Variants in DLG2 observed in about 807,000 individuals in gnomAD.
DLG2 encodes the protein disks large homolog 2.
A neutral mutation model predicts 132.5 loss-of-function variants in DLG2; 45 were observed. That is an observed-to-expected ratio of 0.34 (90% CI 0.27 to 0.44). DLG2 has a LOEUF of 0.44. Ranked by LOEUF, DLG2 falls within the 20% of genes least tolerant of loss-of-function variation. The pLI, the probability that DLG2 is intolerant of heterozygous loss-of-function variation, is 1.00. For synonymous variants in DLG2, 424 were observed against 419.6 expected (o/e 1.01, Z -0.13); for missense variants, 1,045 against 1,196.9 (o/e 0.87, Z 1.87).
At chr11:85,365,116 T>C (rs2084439450) in intron 3 of DLG2, among the ~76,000 whole-genome samples, 1 of 152,178 alleles carries the variant, frequency 6.6e-6, no homozygotes, top group African/African-American at 2.4e-5. Context: ...ACAAGAATTG[T>C]TGTTTATAAA....
At chr11:84,937,857 C>T (rs2154095130) in intron 6 of DLG2, among the ~76,000 whole-genome samples, 1 of 152,186 alleles carries the variant, frequency 6.6e-6, no homozygotes, top group East Asian at 1.9e-4. Flanking sequence ...CTTAAAAGTA[C>T]AGCATATGAT....
At chr11:84,361,016 G>T (rs2098646767) in intron 7 of DLG2, among the ~76,000 whole-genome samples, 1 of 151,822 alleles carries the variant, frequency 6.6e-6, no homozygotes, top group Non-Finnish European at 1.5e-5. Context: ...AGATTAAGAT[G>T]CTGCAAAAGA....
intron 10 of DLG2, among the ~76,000 whole-genome samples, chr11:84,072,326 A>G (rs555296180): frequency 1.3e-5 from 2 of 152,354 alleles, no homozygotes; most frequent in South Asian, 2.1e-4. Context: ...CTCTGCCTGA[A>G]TTAGCCACCT....
intron 9 of DLG2, among the ~76,000 whole-genome samples, chr11:84,163,054 G>A (rs2095582251): frequency 6.6e-6 from 1 of 152,014 alleles, no homozygotes; most frequent in Non-Finnish European, 1.5e-5. Context: ...TGCACCACTT[G>A]TTTTTTAAAC....
intron 3 of DLG2, among the ~76,000 whole-genome samples, chr11:85,421,349 T>C (rs57494426): frequency 0.06 from 9,179 of 151,978 alleles, 417 homozygotes; most frequent in African/African-American, 0.12. Flanking sequence ...CCCTCCTGCG[T>C]TGATCTCGCT....
At chr11:84,560,643 G>C (rs2154526087) in intron 6 of DLG2, among the ~76,000 whole-genome samples, 1 of 152,130 alleles carries the variant, frequency 6.6e-6, no homozygotes, top group Admixed American at 6.5e-5. Context: ...TACATTTTGG[G>C]TTAAAATCAA....
chr11:84,918,906 C>T (rs1294543954), intron 6 of DLG2, among the ~76,000 whole-genome samples: 1 of 152,148 alleles, frequency 6.6e-6, no homozygotes, highest in Non-Finnish European at 1.5e-5. Context: ...TTTAAAGCAT[C>T]TCTTGAGTAC....
intron 6 of DLG2, among the ~76,000 whole-genome samples, chr11:85,025,059 A>C (rs925196544): frequency 1.3e-5 from 2 of 152,182 alleles, no homozygotes; most frequent in Admixed American, 6.5e-5. Context: ...CTGTCTCAGG[A>C]GGATTAGGTG....
intron 6 of DLG2, among the ~76,000 whole-genome samples, chr11:84,593,056 T>C (rs1485990588): frequency 2.8e-5 from 4 of 143,382 alleles, no homozygotes; most frequent in African/African-American, 1.1e-4. Flanking sequence ...GAGATGGAGG[T>C]TGCAGTGAGC....
chr11:84,360,494 T>C (rs2098643308), intron 7 of DLG2, among the ~76,000 whole-genome samples: 1 of 152,018 alleles, frequency 6.6e-6, no homozygotes, highest in Non-Finnish European at 1.5e-5. Context: ...TCATTTGATG[T>C]CCCTATCATC....
At chr11:85,477,280 A>G (rs1244618741) in intron 3 of DLG2, among the ~76,000 whole-genome samples, 5 of 152,228 alleles carry the variant, frequency 3.3e-5, no homozygotes, top group Admixed American at 3.3e-4. Context: ...ATAAAATCAC[A>G]CCAACACCTC....
chr11:85,382,501 A>T (rs1565407897), intron 3 of DLG2, among the ~76,000 whole-genome samples: 1 of 152,116 alleles, frequency 6.6e-6, no homozygotes, highest in Non-Finnish European at 1.5e-5. Flanking sequence ...CAACCCAAAA[A>T]ATATAGACTT....
At chr11:85,040,524 A>T (rs2061772509) in intron 6 of DLG2, among the ~76,000 whole-genome samples, 1 of 152,080 alleles carries the variant, frequency 6.6e-6, no homozygotes, top group Admixed American at 6.6e-5. Context: ...CTGTGGAGGA[A>T]AATTTTATAA....
intron 11 of DLG2, among the ~76,000 whole-genome samples, chr11:84,039,847 G>C (rs2096008270): frequency 6.8e-6 from 1 of 147,698 alleles, no homozygotes; most frequent in African/African-American, 2.5e-5. Context: ...CAGTGTATAA[G>C]TGTTCCTATC....
chr11:83,530,405 T>C (rs12271855), intron 21 of DLG2, among the ~76,000 whole-genome samples: 1 of 151,680 alleles, frequency 6.6e-6, no homozygotes, highest in Non-Finnish European at 1.5e-5. Context: ...CCTGAGAAAT[T>C]ATAGCTTTTT....
chr11:84,114,859 A>T (rs1405524196), intron 9 of DLG2, among the ~76,000 whole-genome samples: 1 of 147,412 alleles, frequency 6.8e-6, no homozygotes, highest in Non-Finnish European at 1.5e-5. Context: ...TTATAGAGAC[A>T]GGGTTTTGCC....
rs200589998 is a variant in DLG2, at chr11:83,720,339, CTTAAG to C, written c.1825+66346_1825+66350del. On this transcript the variant is annotated intron_variant, in intron 18 of 27. Transcript: ENST00000376104. ...AAAAAAAAAAAAAGAATGACATTCACTTAAGTTATGTAAGTTATGCCTGAGAAGCT... is the reference window on the plus strand; with the variant it reads ...AAAAAAAAAAAAAGAATGACATTCACTTATGTAAGTTATGCCTGAGAAGCT... Among the ~76,000 whole-genome samples, 145 of 85,290 alleles carry C rather than the reference CTTAAG, an allele frequency of 1.7e-3. No homozygotes were observed. In the East Asian group the frequency reaches 0.033, roughly 19 times the overall value. 56.0% of individuals were successfully genotyped at this position (85,290 alleles called of 152,430 possible).
rs76563917 is a variant in DLG2, at chr11:85,509,437, T to G, written c.40+89220A>C. Among the ~76,000 whole-genome samples, 837 of 152,166 alleles carry G rather than the reference T, an allele frequency of 5.5e-3. 3 individuals carry two copies. The highest frequency in any genetic ancestry group is 8.3e-3 in the Non-Finnish European group (566 of 67,966). On this transcript the variant is annotated intron_variant, in intron 3 of 27. Coordinates refer to ENST00000376104, the MANE Select transcript of DLG2 (RefSeq NM_001142699.3). ...GCCTTACTACACAGTACAAGGCACA[T>G]TGACTAACCCGAATGCTTGCAGAGG...
Position 83,938,702 on chromosome 11 carries a change from T to A in DLG2, c.1341-8219A>T, listed in dbSNP as rs556116065. On this transcript the variant is annotated intron_variant, in intron 14 of 27. Coordinates refer to ENST00000376104, the MANE Select transcript of DLG2 (RefSeq NM_001142699.3). ...GTGGCAGGTATATAGTAAAACAATT[T>A]AAAAAATGGTCCCTTTGTTTGTTGA... Among the ~76,000 whole-genome samples, 545 of 152,288 alleles carry A rather than the reference T, an allele frequency of 3.6e-3. 3 individuals carry two copies. The highest frequency in any genetic ancestry group is 0.027 in the Middle Eastern group (8 of 294).
Sources: gnomAD v4.1 joint callset for allele counts (sites outside exome capture counted in the v4.1 genomes callset) on GRCh38, gnomAD v4.1.1 for gene constraint, MANE v1.5 for transcripts, NCBI Gene and HGNC (gene_info 2026-07-23, HGNC 2026-07-21) for gene names.